HAAO: variants seen among roughly 807,000 people sequenced by gnomAD.
HAAO encodes 3-hydroxyanthranilate 3,4-dioxygenase, also known as 3-hydroxyanthranilate oxygenase.
In HAAO, 49 loss-of-function variants were observed where a neutral mutation model predicts 46.2. That is an observed-to-expected ratio of 1.06 (90% CI 0.84 to 1.34). The LOEUF is 1.34. HAAO is among the 40% of genes most tolerant of loss of function. The pLI is 0.00. For missense variants in HAAO, 408 were observed against 364.5 expected (o/e 1.12, Z -0.97); for synonymous variants, 157 against 145.2 (o/e 1.08, Z -0.58).
chr2:42,779,047 A>C (rs1198267104), intron 4 of HAAO, among the ~76,000 whole-genome samples: 1 of 152,012 alleles, frequency 6.6e-6, no homozygotes, highest in African/African-American at 2.4e-5. Context: ...CGGGAGGTGG[A>C]GATTGCAGTG....
At position 42,767,289 on chromosome 2, in the gene HAAO, G is replaced by C. The variant is rs1175867178; in HGVS notation, c.*148C>G. 1 of 666,542 alleles carries C rather than the reference G, an allele frequency of 1.5e-6. No individual in the cohort carries two copies. The highest frequency in any genetic ancestry group is 2.7e-6 in the Non-Finnish European group (1 of 366,910). The allele number at this position is 666,542 out of a possible 1,614,324, so 41.3% of individuals were successfully genotyped here. ...CATGGCATCTGGGCTGAGAAGGGCAGGAGGGTGGGTGACAACAATGTGCAG... is the reference window on the plus strand; with the variant it reads ...CATGGCATCTGGGCTGAGAAGGGCACGAGGGTGGGTGACAACAATGTGCAG... On this transcript the variant is annotated 3_prime_UTR_variant, in exon 10 of 10. Coordinates refer to ENST00000294973, the MANE Select transcript of HAAO (RefSeq NM_012205.3).
chr2:42,780,911 C>A (rs145526763), intron 4 of HAAO, among the ~76,000 whole-genome samples: 110 of 130,278 alleles, frequency 8.4e-4, no homozygotes, highest in African/African-American at 1.3e-3. Context: ...ACTAAAAATA[C>A]AAAAAAAAAA....
At chr2:42,779,947 T>C (rs1169284399) in intron 4 of HAAO, among the ~76,000 whole-genome samples, 1 of 152,150 alleles carries the variant, frequency 6.6e-6, no homozygotes, top group African/African-American at 2.4e-5. Context: ...TAGGCTGTAT[T>C]TGTATAAATA....
intron 1 of HAAO, among the ~76,000 whole-genome samples, chr2:42,791,861 A>G (rs1672823050): frequency 6.6e-6 from 1 of 152,008 alleles, no homozygotes. Context: ...CTGGATGGCC[A>G]ACCCTGTTGG....
intron 3 of HAAO, 73 bp downstream of exon 3, chr2:42,783,711 A>G: frequency 7.7e-7 from 1 of 1,300,990 alleles, no homozygotes; most frequent in Non-Finnish European, 1.1e-6. Context: ...AGCCAGGGCC[A>G]GGATGAGTGG....
chr2:42,777,851 T>A (rs1342178629), intron 4 of HAAO, among the ~76,000 whole-genome samples: 1 of 152,164 alleles, frequency 6.6e-6, no homozygotes, highest in Non-Finnish European at 1.5e-5. Flanking sequence ...TGAACCATTT[T>A]ATCTAATTTA....
intron 6 of HAAO, 114 bp from the exon 7 acceptor site, chr2:42,769,972 A>T: frequency 8.0e-7 from 1 of 1,247,090 alleles, no homozygotes; most frequent in Non-Finnish European, 1.1e-6. Flanking sequence ...CTCTGTATCC[A>T]GCTCAATGAT....
intron 4 of HAAO, among the ~76,000 whole-genome samples, chr2:42,771,474 CAGA>C (rs983988927): frequency 4.6e-5 from 7 of 151,264 alleles, no homozygotes; most frequent in African/African-American, 1.5e-4. Flanking sequence ...AGCCAACACG[CAGA>C]AGATGTCCCC....
chr2:42,788,319 G>A (rs567744363), intron 2 of HAAO, among the ~76,000 whole-genome samples: 14 of 151,722 alleles, frequency 9.2e-5, no homozygotes, highest in African/African-American at 2.9e-4. Flanking sequence ...CCCAGCAGAG[G>A]TGCTAGCTGT....
intron 4 of HAAO, among the ~76,000 whole-genome samples, chr2:42,778,539 C>T (rs1388283829): frequency 6.6e-6 from 1 of 152,048 alleles, no homozygotes; most frequent in African/African-American, 2.4e-5. Context: ...CCATGTTGGC[C>T]AGGCTGGTCT....
intron 4 of HAAO, among the ~76,000 whole-genome samples, chr2:42,776,025 A>C (rs761676936): frequency 6.6e-5 from 10 of 151,670 alleles, no homozygotes; most frequent in Admixed American, 1.3e-4. Context: ...TTTAAAAAAA[A>C]CTTTTTTTAA....
Position 42,767,182 on chromosome 2 carries a change from G to A in HAAO, c.*255C>T, listed in dbSNP as rs1264756300. On this transcript the variant is annotated 3_prime_UTR_variant, in exon 10 of 10. Transcript: ENST00000294973. ...CAGAGGAATGGGCAGGAGCGGGGCC[G>A]GGGGTAGACCACCTGGCAAGACTGG... 9 of 583,920 alleles carry A rather than the reference G, an allele frequency of 1.5e-5. No individual in the cohort carries two copies. The highest frequency in any genetic ancestry group is 5.6e-5 in the African/African-American group (3 of 53,580). 36.2% of individuals were successfully genotyped at this position (583,920 alleles called of 1,614,324 possible). A position where few individuals can be genotyped will look rare whatever the true frequency, so the allele number is the denominator to read the frequency against.
intron 4 of HAAO, among the ~76,000 whole-genome samples, chr2:42,773,585 T>A (rs888103974): frequency 8.2e-5 from 8 of 96,996 alleles, no homozygotes; most frequent in Non-Finnish European, 1.5e-4. Flanking sequence ...TACCCCCTAT[T>A]TTTTTTTTTT....
chr2:42,783,308 AT>A lies in HAAO; in HGVS notation c.350+5del. On this transcript the variant is annotated splice_donor_5th_base_variant and intron_variant, in intron 4 of 9. Transcript: ENST00000294973. ...TCTCTGCCCCAGCCCTCCAGACAGA[AT>A]TTACCTGAGCCCATCTAGCTCGGTC... 1.3e-6 allele frequency: 2 copies of A among 1,580,406 alleles called. No homozygotes were observed.
Position 42,767,353 on chromosome 2 carries a change from T to A in HAAO, c.*84A>T. ...ACAGCGGCAGTACACAGAGAGGTAG[T>A]GGGGGCTGGGAGAGTTGTTTGGCAG... On this transcript the variant is annotated 3_prime_UTR_variant, in exon 10 of 10. Coordinates refer to ENST00000294973, the MANE Select transcript of HAAO (RefSeq NM_012205.3). The A allele has an allele frequency of 3.4e-6, 3 of 892,872 alleles. No individual in the cohort carries two copies. Among genetic ancestry groups the A allele is most frequent in the Non-Finnish European group, 5.5e-6 (3 of 541,132 alleles). The allele number at this position is 892,872 out of a possible 1,614,324, so 55.3% of individuals were successfully genotyped here. A position where few individuals can be genotyped will look rare whatever the true frequency, so the allele number is the denominator to read the frequency against.
At chr2:42,788,370 C>T (rs1168137605) in intron 2 of HAAO, among the ~76,000 whole-genome samples, 159 bp downstream of exon 2, 2 of 151,542 alleles carry the variant, frequency 1.3e-5, no homozygotes, top group Admixed American at 6.6e-5. Context: ...AGGCAGCAGT[C>T]GTGCCCTGTG....
chr2:42,769,968 A>T, intron 6 of HAAO, 110 bp from the exon 7 acceptor site: 2 of 1,255,412 alleles, frequency 1.6e-6, no homozygotes, highest in Non-Finnish European at 1.1e-6. Context: ...CAGGCTCTGT[A>T]TCCAGCTCAA....
At chr2:42,777,946 G>C (rs1573925865) in intron 4 of HAAO, among the ~76,000 whole-genome samples, 1 of 152,040 alleles carries the variant, frequency 6.6e-6, no homozygotes, top group African/African-American at 2.4e-5. Context: ...AAAACAAAGA[G>C]GTTTTTTGTG....
In HAAO at chr2:42,767,387, C is replaced by G; in HGVS notation, c.*50G>C. ...GGAGAGTTGTTTGGCAGGGATGGCA[C>G]TCGAGGGTGCTTGGCACACCTGTGG... On this transcript the variant is annotated 3_prime_UTR_variant, in exon 10 of 10. Coordinates refer to ENST00000294973, the MANE Select transcript of HAAO (RefSeq NM_012205.3). 1 of 1,335,324 alleles carries G rather than the reference C, an allele frequency of 7.5e-7. No individual in the cohort carries two copies. Among genetic ancestry groups the G allele is most frequent in the Non-Finnish European group, 1.1e-6 (1 of 933,716 alleles). 82.7% of individuals were successfully genotyped at this position (1,335,324 alleles called of 1,614,324 possible).
Sources: allele counts gnomAD v4.1 joint callset (sites outside exome capture counted in the v4.1 genomes callset), GRCh38; gene constraint gnomAD v4.1.1; transcripts MANE v1.5; gene names NCBI Gene and HGNC (gene_info 2026-07-23, HGNC 2026-07-21).